The following PRCC variants were observed in gnomAD, a reference collection of about 807,000 sequenced individuals.
PRCC encodes proline-rich protein PRCC.
Under a neutral mutation model 44.0 loss-of-function variants are expected in PRCC, and 10 were observed. That is an observed-to-expected ratio of 0.23 (90% CI 0.14 to 0.39). The LOEUF (loss-of-function observed/expected upper bound fraction) is 0.39, where lower values mean the gene tolerates loss of function less well. PRCC is among the 10% of genes least tolerant of loss of function. PRCC has a pLI of 1.00. For synonymous variants in PRCC, 278 were observed against 259.5 expected (o/e 1.07, Z -0.69); for missense variants, 573 against 624.7 (o/e 0.92, Z 0.88).
intron 1 of PRCC, among the ~76,000 whole-genome samples, chr1:156,781,051 AT>A (rs1235933799): frequency 1.3e-5 from 2 of 151,988 alleles, no homozygotes; most frequent in Non-Finnish European, 2.9e-5. Context: ...TATTACAGTG[AT>A]TTGGGTACTT....
In PRCC at chr1:156,800,762, T is replaced by G; in HGVS notation, c.*302T>G. On this transcript the variant is annotated 3_prime_UTR_variant, in exon 7 of 7. Coordinates refer to ENST00000271526, the MANE Select transcript of PRCC (RefSeq NM_005973.5). ...ATGTTGAACCCTCCCCACCACCACT[T>G]TTTTTTTTTTAAACCAGGGATGTCT... The G allele has an allele frequency of 3.7e-6, 1 of 272,328 alleles. No individual in the cohort carries two copies. Among genetic ancestry groups the G allele is most frequent in the Non-Finnish European group, 7.0e-6 (1 of 143,426 alleles). 16.9% of individuals were successfully genotyped at this position (272,328 alleles called of 1,614,324 possible). A position where few individuals can be genotyped will look rare whatever the true frequency, so the allele number is the denominator to read the frequency against.
intron 1 of PRCC, 61 bp downstream of exon 1, chr1:156,768,300 G>A: frequency 6.8e-7 from 1 of 1,479,022 alleles, no homozygotes; most frequent in Non-Finnish European, 9.1e-7. Flanking sequence ...CTGTAGGAGG[G>A]ACATGTGGAG....
intron 1 of PRCC, among the ~76,000 whole-genome samples, chr1:156,768,923 GATCTGT>G (rs1651520600): frequency 6.6e-6 from 1 of 152,172 alleles, no homozygotes; most frequent in Non-Finnish European, 1.5e-5. Flanking sequence ...CTGAACCTCA[GATCTGT>G]GCCTCATATT....
intron 6 of PRCC, 61 bp downstream of exon 6, chr1:156,797,402 G>A: frequency 6.3e-7 from 1 of 1,591,236 alleles, no homozygotes; most frequent in Non-Finnish European, 8.6e-7. Flanking sequence ...GAATTTGAAG[G>A]CTGAGATACG....
intron 4 of PRCC, among the ~76,000 whole-genome samples, chr1:156,793,201 A>T (rs1652551386): frequency 6.6e-6 from 1 of 152,184 alleles, no homozygotes; most frequent in Non-Finnish European, 1.5e-5. Context: ...CCCTATGGAT[A>T]TCCTTCTTGG....
Position 156,783,812 on chromosome 1 carries a change from G to A in PRCC, c.516+1483G>A, listed in dbSNP as rs534489420. 1.2e-4 allele frequency among the ~76,000 whole-genome samples: 18 copies of A among 152,018 alleles called. 1 individual carries two copies. In the South Asian group the frequency reaches 3.7e-3, roughly 32 times the overall value. On this transcript the variant is annotated intron_variant, in intron 2 of 6. Coordinates refer to ENST00000271526, the MANE Select transcript of PRCC (RefSeq NM_005973.5). ...TAAAAAATAAAAAAATAAAATAGTG[G>A]CTGTCTTGTGATTCAAGTGGCCTTC... is the stretch of plus-strand genomic sequence containing the variant.
intron 2 of PRCC, among the ~76,000 whole-genome samples, chr1:156,784,498 A>G (rs888793428): frequency 6.6e-6 from 1 of 152,114 alleles, no homozygotes; most frequent in African/African-American, 2.4e-5. Flanking sequence ...TGTAGCCATG[A>G]CCCCAGATAT....
At chr1:156,773,289 C>T (rs929744506) in intron 1 of PRCC, among the ~76,000 whole-genome samples, 4 of 151,966 alleles carry the variant, frequency 2.6e-5, no homozygotes, top group African/African-American at 7.3e-5. Context: ...AGAGAGAGGC[C>T]GCCGTGGGGA....
intron 4 of PRCC, 128 bp downstream of exon 4, chr1:156,791,920 A>G: frequency 1.2e-6 from 1 of 817,920 alleles, no homozygotes. Context: ...GGTTGGCAAC[A>G]TGTAATGGAG....
chr1:156,779,126 ATATTTTTTTTTTT>A (rs1651946205), intron 1 of PRCC, among the ~76,000 whole-genome samples: 10 of 29,334 alleles, frequency 3.4e-4, no homozygotes, highest in Non-Finnish European at 5.5e-4. Context: ...ATATATATAT[ATATTTTTTTTTTT>A]TTTTTTTTTT....
Position 156,787,187 on chromosome 1 carries a change from C to T in PRCC, c.1083+13C>T. The T allele has an allele frequency of 6.3e-7, 1 of 1,585,240 alleles. No homozygotes were observed. Among genetic ancestry groups the T allele is most frequent in the Non-Finnish European group, 8.6e-7 (1 of 1,161,042 alleles). Reference sequence around the variant, plus strand: ...TGCTTATTATCAGGTGGGTAGGAGGCACAGAGGGCAGGCGAGGGAATGTTG... The same window carrying T: ...TGCTTATTATCAGGTGGGTAGGAGGTACAGAGGGCAGGCGAGGGAATGTTG... On this transcript the variant is annotated intron_variant, in intron 3 of 6. Transcript: ENST00000271526.
intron 4 of PRCC, 95 bp downstream of exon 4, chr1:156,791,887 A>C: frequency 9.0e-7 from 1 of 1,108,822 alleles, no homozygotes; most frequent in Non-Finnish European, 1.3e-6. Flanking sequence ...ACACACACAA[A>C]AGACAAAACT....
At chr1:156,800,213 C>T (rs772587490) in intron 6 of PRCC, among the ~76,000 whole-genome samples, 161 bp from the exon 7 acceptor site, 2 of 152,144 alleles carry the variant, frequency 1.3e-5, no homozygotes, top group African/African-American at 2.4e-5. Context: ...TTTCTTGGGG[C>T]CTTTCCCTTT....
chr1:156,798,929 T>C lies in PRCC; in HGVS notation c.1390-1445T>C, dbSNP rs763518643. Among the ~76,000 whole-genome samples the C allele has an allele frequency of 2.3e-4, 35 of 151,354 alleles. No homozygotes were observed. In the Middle Eastern group the frequency reaches 0.014, roughly 60 times the overall value. ...GCACATTTTACTGTGATATGCAACA[T>C]ACTAGAGAGACAAGCAGCTCCCGTG... On this transcript the variant is annotated intron_variant, in intron 6 of 6. Coordinates refer to ENST00000271526, the MANE Select transcript of PRCC (RefSeq NM_005973.5).
chr1:156,768,271 T>C, intron 1 of PRCC, 32 bp downstream of exon 1: 1 of 1,534,028 alleles, frequency 6.5e-7, no homozygotes. Context: ...CCCCAAACTG[T>C]CCATCGGGTT....
rs56916626 is a variant in PRCC, at chr1:156,787,650, C to CTTTTTTTTTT, written c.1083+483_1083+492dup. 2.0e-3 allele frequency among the ~76,000 whole-genome samples: 111 copies of CTTTTTTTTTT among 54,160 alleles called. 31 individuals carry two copies. The highest frequency in any genetic ancestry group is 5.1e-3 in the African/African-American group (56 of 11,024). The allele number at this position is 54,160 out of a possible 152,430, so 35.5% of individuals were successfully genotyped here. ...AGTACCTGATAGGTAGGTTTTTGGC[C>CTTTTTTTTTT]TTTTTTTTTTTTTTTTGGAGAAGGA... On this transcript the variant is annotated intron_variant, in intron 3 of 6. Coordinates refer to ENST00000271526, the MANE Select transcript of PRCC (RefSeq NM_005973.5).
At chr1:156,789,765 G>A (rs1282471486) in intron 3 of PRCC, among the ~76,000 whole-genome samples, 10 of 152,194 alleles carry the variant, frequency 6.6e-5, no homozygotes, top group East Asian at 1.9e-4. Flanking sequence ...AACTCAAAGC[G>A]TTGCTAAAAT....
rs113219259 is a variant in PRCC, at chr1:156,800,124, C to G, written c.1390-250C>G. ...TTTCACCTTTTGAGTTTTAATTCTA[C>G]TAGAGGAAGCACCAGGATTCTTGAG... On this transcript the variant is annotated intron_variant, in intron 6 of 6. Transcript: ENST00000271526. Among the ~76,000 whole-genome samples, 2,015 of 152,246 alleles carry G rather than the reference C, an allele frequency of 0.013. 19 individuals are homozygous for G. Among genetic ancestry groups the G allele is most frequent in the Non-Finnish European group, 0.021 (1,398 of 68,006 alleles).
chr1:156,791,091 T>TC (rs1309223273), intron 3 of PRCC: 1 of 1,412,796 alleles, frequency 7.1e-7, no homozygotes, highest in South Asian at 1.1e-5. Flanking sequence ...TCTGGGCCAC[T>TC]CGCCTCTAAG....
Sources: allele counts gnomAD v4.1 joint callset (sites outside exome capture counted in the v4.1 genomes callset), GRCh38; gene constraint gnomAD v4.1.1; transcripts MANE v1.5; gene names NCBI Gene and HGNC (gene_info 2026-07-23, HGNC 2026-07-21).